Variants in TMEM268 observed in about 807,000 individuals in gnomAD.
The protein encoded by TMEM268 is transmembrane protein 268.
TMEM268 carries 24 observed loss-of-function variants against 39.1 expected under a neutral mutation model. The observed-to-expected ratio is 0.61, with a 90% CI of 0.44 to 0.86. The LOEUF is 0.86. TMEM268 is among the 40% of genes least tolerant of loss of function. TMEM268 has a pLI of 0.00. For synonymous variants in TMEM268, 176 were observed against 173.5 expected (o/e 1.01, Z -0.12); for missense variants, 409 against 428.6 (o/e 0.95, Z 0.40).
intron 2 of TMEM268, 64 bp from the exon 3 acceptor site, chr9:114,624,286 G>A (rs763370882): frequency 1.9e-5 from 29 of 1,546,304 alleles, no homozygotes; most frequent in Non-Finnish European, 2.5e-5. Flanking sequence ...CCAGGCTTCG[G>A]GCTCACCCCA....
Position 114,617,216 on chromosome 9 carries a change from G to A in TMEM268, c.21G>A (p.Val7=). The A allele has an allele frequency of 6.2e-7, 1 of 1,609,350 alleles. No homozygotes were observed. Among genetic ancestry groups the A allele is most frequent in the Non-Finnish European group, 8.5e-7 (1 of 1,178,072 alleles). Residue 7 remains valine, a synonymous_variant, in exon 2 of 9, where the codon GTG becomes GTA. Transcript: ENST00000288502. The stretch of plus-strand genomic sequence containing the variant: ...CTGCCATGGCCTGTGAACCACAGGT[G>A]GACCCGGGGGCCACTGGCCCATTGC... The part of the protein sequence containing the change: MACEPQ[V]DPGATGPLPP...
chr9:114,622,441 C>T (rs953644788), intron 2 of TMEM268: 1 of 985,224 alleles, frequency 1.0e-6, no homozygotes, highest in African/African-American at 1.7e-5. Flanking sequence ...GGGCCTTGTA[C>T]TGTGGTGCAA....
intron 1 of TMEM268, among the ~76,000 whole-genome samples, chr9:114,614,511 G>A (rs1231752832): frequency 6.6e-6 from 1 of 152,248 alleles, no homozygotes; most frequent in Non-Finnish European, 1.5e-5. Context: ...AGCTGCTGCT[G>A]TTTAAAGTAT....
chr9:114,627,024 C>A lies in TMEM268; in HGVS notation c.324+18C>A. 1 of 1,543,166 alleles carries A rather than the reference C, an allele frequency of 6.5e-7. No individual in the cohort carries two copies. Among genetic ancestry groups the A allele is most frequent in the Non-Finnish European group, 9.0e-7 (1 of 1,116,650 alleles). On this transcript the variant is annotated intron_variant, in intron 4 of 8. Transcript: ENST00000288502. ...TTGCTGTGGTAAGGGGGAGGTGGCC[C>A]GCACACTGACCCTGCCCTGACAGCT...
Position 114,624,427 on chromosome 9 carries a change from G to A in TMEM268, c.184G>A (p.Ala62Thr), listed in dbSNP as rs758281926. The A allele has an allele frequency of 2.5e-5, 39 of 1,588,316 alleles. No homozygotes were observed. The highest frequency in any genetic ancestry group is 1.7e-4 in the Middle Eastern group (1 of 6,056). Reference sequence around the variant, plus strand: ...ACCCATCTCCTTCGACCTGGGAGCCGCAGAAGAGCAACTGCAAACTTGGGG... The same window carrying A: ...ACCCATCTCCTTCGACCTGGGAGCCACAGAAGAGCAACTGCAAACTTGGGG... ...CAPISFDLGA[A>T]EEQLQTWGIQ... The change falls in exon 3 of 9, where the codon GCA becomes ACA. Residue 62 changes from alanine (A) to threonine (T), a missense_variant. Ala to Thr is a moderately conservative substitution (Grantham distance 58). Transcript: ENST00000288502.
rs912542039 is a variant in TMEM268, at chr9:114,645,494, G to T, written c.*2181G>T. On this transcript the variant is annotated 3_prime_UTR_variant, in exon 9 of 9. Transcript: ENST00000288502. Reference sequence around the variant, plus strand: ...TGGGTATAGACCAGCCCCTGGAAAGGCTGCTTTGGTCAAGGCTGAGAGCAG... The same window carrying T: ...TGGGTATAGACCAGCCCCTGGAAAGTCTGCTTTGGTCAAGGCTGAGAGCAG... 1 of 152,382 alleles carries T rather than the reference G, an allele frequency of 6.6e-6. No individual in the cohort carries two copies. The allele number at this position is 152,382 out of a possible 1,614,324, so 9.4% of individuals were successfully genotyped here. A position where few individuals can be genotyped will look rare whatever the true frequency, so the allele number is the denominator to read the frequency against.
At chr9:114,642,683 G>T (rs900330209) in intron 8 of TMEM268, among the ~76,000 whole-genome samples, 1 of 151,868 alleles carries the variant, frequency 6.6e-6, no homozygotes, top group East Asian at 1.9e-4. Flanking sequence ...GTCTCGCTCT[G>T]TTGCCCAGGC....
chr9:114,604,561 G>A, the TMEM268 span, among the ~76,000 whole-genome samples: 1 of 146,896 alleles, frequency 6.8e-6, no homozygotes, highest in East Asian at 2.0e-4. Flanking sequence ...ACTCCAGCCT[G>A]AGTGACAGAG....
At chr9:114,634,635 C>T (rs888309151) in intron 6 of TMEM268, among the ~76,000 whole-genome samples, 1 of 152,222 alleles carries the variant, frequency 6.6e-6, no homozygotes, top group Non-Finnish European at 1.5e-5. Flanking sequence ...TCTGCATTCT[C>T]ACCAGTCATG....
At chr9:114,616,644 G>T (rs1023944593) in intron 1 of TMEM268, among the ~76,000 whole-genome samples, 28 of 151,988 alleles carry the variant, frequency 1.8e-4, no homozygotes, top group African/African-American at 6.8e-4. Context: ...GGGATTACAG[G>T]CGTGAGCCAC....
At chr9:114,608,400 C>T (rs1845394311), upstream of TMEM268, among the ~76,000 whole-genome samples, 1 of 152,222 alleles carries the variant, frequency 6.6e-6, no homozygotes, top group Admixed American at 6.5e-5. Context: ...GGTGGGCCAG[C>T]TCCAAAGGCC....
intron 6 of TMEM268, among the ~76,000 whole-genome samples, chr9:114,634,799 C>G (rs1185266781): frequency 7.5e-6 from 1 of 133,780 alleles, no homozygotes; most frequent in Non-Finnish European, 1.6e-5. Context: ...GCAGAGAACA[C>G]ATGCAGGTCC....
chr9:114,608,180 C>A (rs1324077334), upstream of TMEM268, among the ~76,000 whole-genome samples: 1 of 152,230 alleles, frequency 6.6e-6, no homozygotes, highest in African/African-American at 2.4e-5. Flanking sequence ...ACACTGGTGA[C>A]ATTTCAGAGA....
rs760116068 is a variant in TMEM268, at chr9:114,617,105, C to G, written c.-78-13C>G. 55 of 834,136 alleles carry G rather than the reference C, an allele frequency of 6.6e-5. No individual in the cohort carries two copies. Among genetic ancestry groups the G allele is most frequent in the Non-Finnish European group, 1.0e-4 (55 of 526,504 alleles). 51.7% of individuals were successfully genotyped at this position (834,136 alleles called of 1,614,324 possible). ...CTCAGGCCTGAAGTTCTTTTTTGTG[C>G]TGTTTTCTGAAGGCATATGATGCTG... On this transcript the variant is annotated splice_polypyrimidine_tract_variant and intron_variant, in intron 1 of 8. Transcript: ENST00000288502.
chr9:114,610,205 A>G (rs1403252252), upstream of TMEM268, among the ~76,000 whole-genome samples: 1 of 151,934 alleles, frequency 6.6e-6, no homozygotes, highest in Non-Finnish European at 1.5e-5. Context: ...AGGCCCGGCT[A>G]ATTTTGTATT....
chr9:114,628,982 C>A (rs1846277674), intron 5 of TMEM268, among the ~76,000 whole-genome samples: 1 of 152,214 alleles, frequency 6.6e-6, no homozygotes, highest in African/African-American at 2.4e-5. Flanking sequence ...TCATTAAATC[C>A]TTCGACATTA....
intron 1 of TMEM268, among the ~76,000 whole-genome samples, chr9:114,616,300 C>T (rs1845708872): frequency 6.6e-6 from 1 of 152,042 alleles, no homozygotes; most frequent in Non-Finnish European, 1.5e-5. Context: ...CAGGTGTGAG[C>T]CACCGCGCCT....
chr9:114,638,044 T>C (rs977231091), intron 7 of TMEM268, among the ~76,000 whole-genome samples: 2 of 151,712 alleles, frequency 1.3e-5, no homozygotes, highest in African/African-American at 2.4e-5. Context: ...AGGAAAAATA[T>C]TTGTTTGTTT....
chr9:114,608,516 G>C (rs1218901232), upstream of TMEM268, among the ~76,000 whole-genome samples: 2 of 152,196 alleles, frequency 1.3e-5, no homozygotes, highest in Non-Finnish European at 1.5e-5. Context: ...CTGGCAGAAA[G>C]GGCAGGGGGA....
Sources: allele counts gnomAD v4.1 joint callset (sites outside exome capture counted in the v4.1 genomes callset), GRCh38; gene constraint gnomAD v4.1.1; transcripts MANE v1.5; gene names NCBI Gene and HGNC (gene_info 2026-07-23, HGNC 2026-07-21).